Variants in SETBP1 observed in about 807,000 individuals in gnomAD.
SETBP1 encodes the protein SET-binding protein.
Under a neutral mutation model 101.0 loss-of-function variants are expected in SETBP1, and 9 were observed. The ratio of observed to expected loss-of-function variants is 0.09; its 90% CI spans 0.05 to 0.16. The LOEUF (loss-of-function observed/expected upper bound fraction) is 0.16. Ranked by LOEUF, SETBP1 falls within the 10% of genes least tolerant of loss-of-function variation. The pLI is 1.00. For synonymous variants in SETBP1, 818 were observed against 788.5 expected, an observed-to-expected ratio of 1.04 and a Z score of -0.63; for missense variants, 1,858 against 2,033.8, an observed-to-expected ratio of 0.91 and a Z score of 1.66.
Position 44,949,916 on chromosome 18 carries a change from T to C in SETBP1, c.576T>C (p.His192=), listed in dbSNP as rs2071295867. ...YERPQKHSTL[H]YDTGLPQDFT... The stretch of plus-strand genomic sequence containing the variant: ...GGCCCCAGAAACATTCAACTCTCCA[T>C]TATGACACGGGCCTCCCACAGGACT... Residue 192 remains histidine (H), a synonymous_variant, in exon 4 of 6, where the codon CAT becomes CAC. Coordinates refer to ENST00000649279, the MANE Select transcript of SETBP1 (RefSeq NM_015559.3). 6.2e-7 allele frequency: 1 copy of C among 1,613,872 alleles called. No homozygotes were observed. Among genetic ancestry groups the C allele is most frequent in the Non-Finnish European group, 8.5e-7 (1 of 1,179,994 alleles).
chr18:44,892,168 G>T (rs1007594506), intron 3 of SETBP1, among the ~76,000 whole-genome samples: 2 of 152,178 alleles, frequency 1.3e-5, no homozygotes, highest in African/African-American at 4.8e-5. Flanking sequence ...TCTCCAAATT[G>T]TTTGTTTGCT....
rs188575073 is a variant in SETBP1 at position 44,886,889 on chromosome 18, G to A, written c.540+17606G>A. 9.9e-4 allele frequency among the ~76,000 whole-genome samples: 150 copies of A among 152,016 alleles called. 1 individual carries two copies. The highest frequency in any genetic ancestry group is 1.2e-3 in the East Asian group (6 of 5,166). ...TCCCACTGAGTTCCTCCAAAGTGAC[G>A]AATTCCTAGCAAAAGGTCTTCTCAC... On this transcript the variant is annotated intron_variant, in intron 3 of 5. Coordinates refer to ENST00000649279, the MANE Select transcript of SETBP1 (RefSeq NM_015559.3).
intron 3 of SETBP1, among the ~76,000 whole-genome samples, chr18:44,911,007 G>A (rs751218253): frequency 6.6e-6 from 1 of 152,172 alleles, no homozygotes; most frequent in Non-Finnish European, 1.5e-5. Flanking sequence ...CCTTGTGTAT[G>A]TACATGCATT....
chr18:44,907,322 A>G (rs573561169), intron 3 of SETBP1, among the ~76,000 whole-genome samples: 2 of 152,350 alleles, frequency 1.3e-5, no homozygotes, highest in African/African-American at 4.8e-5. Flanking sequence ...ACATTTATGT[A>G]GAAGTTTTTG....
At chr18:44,845,550 A>G (rs562724255) in intron 2 of SETBP1, among the ~76,000 whole-genome samples, 25 of 152,286 alleles carry the variant, frequency 1.6e-4, no homozygotes, top group South Asian at 8.3e-4. Flanking sequence ...ACTGAATTCA[A>G]AGGAGGAAGA....
rs757255318 is a variant in SETBP1 at position 44,952,092 on chromosome 18, C to T, written c.2752C>T (p.Arg918Trp). The change falls in exon 4 of 6, where the codon CGG becomes TGG. Residue 918 changes from arginine (R) to tryptophan (W), a missense_variant. Physicochemically the swap from Arg to Trp is moderately radical, Grantham distance 101. This residue lies in a region of SETBP1 where 255 missense variants were observed against 300.1 expected (regional missense o/e 0.85). Coordinates refer to ENST00000649279, the MANE Select transcript of SETBP1 (RefSeq NM_015559.3). The stretch of plus-strand genomic sequence containing the variant: ...CAGCACAAAGAACCGGCATGGCCAC[C>T]GGCAAAAGCATCTCATTGTGGACAA... ...DTSTKNRHGH[R>W]QKHLIVDNFL... 1.1e-5 allele frequency: 18 copies of T among 1,613,942 alleles called. No individual in the cohort carries two copies. The highest frequency in any genetic ancestry group is 5.5e-5 in the South Asian group (5 of 91,074).
intron 2 of SETBP1, among the ~76,000 whole-genome samples, chr18:44,715,826 A>G (rs2069449488): frequency 6.6e-6 from 1 of 152,174 alleles, no homozygotes; most frequent in Non-Finnish European, 1.5e-5. Flanking sequence ...TAAAGCCCCC[A>G]GACGTGGCTG....
chr18:44,949,544 A>G (rs2071286080), intron 3 of SETBP1, among the ~76,000 whole-genome samples: 2 of 152,190 alleles, frequency 1.3e-5, no homozygotes, highest in African/African-American at 4.8e-5. Context: ...TAAAAATGTA[A>G]AAAGGCACTG....
chr18:44,829,788 T>C (rs2072317534), intron 2 of SETBP1, among the ~76,000 whole-genome samples: 1 of 152,226 alleles, frequency 6.6e-6, no homozygotes, highest in Admixed American at 6.5e-5. Context: ...GTCCCACTTA[T>C]AAAATTTGGC....
chr18:44,772,773 G>A (rs2070903675), intron 2 of SETBP1, among the ~76,000 whole-genome samples: 3 of 151,950 alleles, frequency 2.0e-5, no homozygotes, highest in African/African-American at 7.3e-5. Context: ...GGGATTCGTG[G>A]GGAACATTCT....
At chr18:44,944,775 CT>C (rs560203351) in intron 3 of SETBP1, among the ~76,000 whole-genome samples, 1 of 150,292 alleles carries the variant, frequency 6.7e-6, no homozygotes, top group African/African-American at 2.4e-5. Context: ...AGTCAGGCTT[CT>C]TTTTTTTTAA....
intron 2 of SETBP1, among the ~76,000 whole-genome samples, chr18:44,702,421 T>C (rs2144203623): frequency 6.6e-6 from 1 of 152,318 alleles, no homozygotes; most frequent in Admixed American, 6.5e-5. Flanking sequence ...AAGAAACACC[T>C]CTGCTATAAT....
intron 5 of SETBP1, among the ~76,000 whole-genome samples, chr18:45,042,451 T>A (rs1045954937): frequency 1.3e-5 from 2 of 152,168 alleles, no homozygotes; most frequent in Non-Finnish European, 2.9e-5. Flanking sequence ...TAAATGGAAA[T>A]CATTTGACAG....
intron 2 of SETBP1, among the ~76,000 whole-genome samples, chr18:44,703,093 G>C (rs1286234153): frequency 2.0e-5 from 3 of 152,156 alleles, no homozygotes; most frequent in Admixed American, 2.0e-4. Flanking sequence ...GATAGCAGAG[G>C]ACTGCCTTGG....
rs75689625 is a variant in SETBP1 at position 44,768,067 on chromosome 18, G to A, written c.486+66235G>A. Among the ~76,000 whole-genome samples, 98 of 152,260 alleles carry A rather than the reference G, an allele frequency of 6.4e-4. 2 individuals carry two copies. The East Asian group carries it at 0.017, about 27-fold the overall frequency. Reference sequence around the variant, plus strand: ...AGCTCCTTGGAATCAAGATTCATGCGTCTTTCACTTTGGTGTCTCTGTATA... The same window carrying A: ...AGCTCCTTGGAATCAAGATTCATGCATCTTTCACTTTGGTGTCTCTGTATA... On this transcript the variant is annotated intron_variant, in intron 2 of 5. Transcript: ENST00000649279.
chr18:44,710,872 C>T (rs2069323597), intron 2 of SETBP1, among the ~76,000 whole-genome samples: 1 of 152,166 alleles, frequency 6.6e-6, no homozygotes, highest in Non-Finnish European at 1.5e-5. Flanking sequence ...GGAAGGTTGG[C>T]ACTAAGGCTC....
chr18:44,704,673 G>C (rs2069181461), intron 2 of SETBP1, among the ~76,000 whole-genome samples: 1 of 152,206 alleles, frequency 6.6e-6, no homozygotes, highest in African/African-American at 2.4e-5. Flanking sequence ...GTAAGCAAAG[G>C]CTAAAGCTGA....
At chr18:45,049,867 C>T (rs771828901) in intron 5 of SETBP1, among the ~76,000 whole-genome samples, 1 of 152,028 alleles carries the variant, frequency 6.6e-6, no homozygotes, top group East Asian at 1.9e-4. Flanking sequence ...TTTGGCACTC[C>T]AATACAGACA....
chr18:44,730,754 C>G (rs2069822052), intron 2 of SETBP1, among the ~76,000 whole-genome samples: 1 of 152,128 alleles, frequency 6.6e-6, no homozygotes, highest in Non-Finnish European at 1.5e-5. Context: ...AAAGAGGAAG[C>G]TTAAATGGTA....
Sources: allele counts gnomAD v4.1 joint callset (sites outside exome capture counted in the v4.1 genomes callset), GRCh38; gene constraint gnomAD v4.1.1; regional missense constraint gnomAD v4.1.1; transcripts MANE v1.5; gene names NCBI Gene and HGNC (gene_info 2026-07-23, HGNC 2026-07-21).